ZUP1: variants seen among roughly 807,000 people sequenced by gnomAD.
ZUP1 encodes the protein zinc finger containing ubiquitin peptidase 1.
In ZUP1, 55 loss-of-function variants were observed where a neutral mutation model predicts 68.1. The ratio of observed to expected loss-of-function variants is 0.81; its 90% confidence interval spans 0.65 to 1.01. The LOEUF is 1.01. Ranked by LOEUF, ZUP1 falls within the 50% of genes least tolerant of loss-of-function variation. The probability of loss-of-function intolerance (pLI) is 0.00; values close to 1 mark genes in which losing one functional copy is unlikely to be tolerated. For synonymous variants in ZUP1, 223 were observed against 221.5 expected (o/e 1.01, Z -0.06); for missense variants, 684 against 674.9 (o/e 1.01, Z -0.15).
intron 9 of ZUP1, among the ~76,000 whole-genome samples, chr6:116,640,206 G>A (rs571695073): frequency 7.2e-5 from 11 of 152,216 alleles, no homozygotes; most frequent in South Asian, 2.1e-4. Flanking sequence ...CCAAATCTAC[G>A]TCTGATTGGT....
intron 9 of ZUP1, among the ~76,000 whole-genome samples, chr6:116,645,339 G>T (rs147783130): frequency 5.9e-5 from 9 of 152,196 alleles, no homozygotes; most frequent in African/African-American, 1.4e-4. Context: ...CCAACACTTT[G>T]GGAGGCTGAG....
At chr6:116,652,337 G>A (rs1776533590) in intron 5 of ZUP1, 145 bp from the exon 6 acceptor site, 8 of 649,142 alleles carry the variant, frequency 1.2e-5, no homozygotes, top group African/African-American at 1.8e-5. Context: ...TATAACCTTA[G>A]TTTGTGTCCT....
In ZUP1 at chr6:116,658,698, A is replaced by T; in HGVS notation, c.792+105T>A. The T allele has an allele frequency of 2.7e-6, 3 of 1,121,766 alleles. 1 individual carries two copies. In the South Asian group the frequency reaches 5.2e-5, roughly 19 times the overall value. The allele number at this position is 1,121,766 out of a possible 1,614,324, so 69.5% of individuals were successfully genotyped here. A position where few individuals can be genotyped will look rare whatever the true frequency, so the allele number is the denominator to read the frequency against. ...ATGGTGTCTGTTACAAACATGTATA[A>T]ATTTTTTTTGAATAATAACAAGGAC... On this transcript the variant is annotated intron_variant, in intron 4 of 9. Transcript: ENST00000368576.
At position 116,635,895 on chromosome 6, in the gene ZUP1, T is replaced by A. The variant is rs751942748; in HGVS notation, c.1690-16A>T. The A allele has an allele frequency of 1.9e-6, 3 of 1,563,208 alleles. No homozygotes were observed. Among genetic ancestry groups the A allele is most frequent in the Non-Finnish European group, 2.6e-6 (3 of 1,154,250 alleles). On this transcript the variant is annotated splice_polypyrimidine_tract_variant and intron_variant, in intron 9 of 9. Transcript: ENST00000368576. ...GTCTCCTGGCCTTGAAAAGAAATTT[T>A]AAAAAACAATTTTAAGCTATAAGTC... is the stretch of plus-strand genomic sequence containing the variant.
At chr6:116,664,879 G>GACACACACAC (rs144584776) in intron 2 of ZUP1, among the ~76,000 whole-genome samples, 14 of 147,242 alleles carry the variant, frequency 9.5e-5, no homozygotes, top group African/African-American at 3.2e-4. Context: ...CACAAGTACA[G>GACACACACAC]ACACACACAC....
At position 116,643,150 on chromosome 6, in the gene ZUP1, A is replaced by G. The variant is rs546898987; in HGVS notation, c.1689+2564T>C. Among the ~76,000 whole-genome samples, 166 of 152,296 alleles carry G rather than the reference A, an allele frequency of 1.1e-3. 1 individual carries two copies. The highest frequency in any genetic ancestry group is 3.8e-3 in the African/African-American group (158 of 41,548). On this transcript the variant is annotated intron_variant, in intron 9 of 9. Transcript: ENST00000368576. Reference sequence around the variant, plus strand: ...TACAAGGGACGTGAAGGACCTCTTCAAGGAGAACTACAAACCACCGCTCAA... The same window carrying G: ...TACAAGGGACGTGAAGGACCTCTTCGAGGAGAACTACAAACCACCGCTCAA...
chr6:116,648,968 C>G (rs1776397916), intron 7 of ZUP1, among the ~76,000 whole-genome samples: 1 of 147,056 alleles, frequency 6.8e-6, no homozygotes, highest in South Asian at 2.1e-4. Flanking sequence ...GAGACAGACT[C>G]TGTCTCAAAA....
chr6:116,645,978 C>G, intron 8 of ZUP1, 44 bp from the exon 9 acceptor site: 1 of 1,369,018 alleles, frequency 7.3e-7, no homozygotes. Flanking sequence ...CATCTATTTA[C>G]AGTTATACAA....
chr6:116,647,789 G>A (rs926696267), intron 7 of ZUP1, among the ~76,000 whole-genome samples, 179 bp from the exon 8 acceptor site: 1 of 151,898 alleles, frequency 6.6e-6, no homozygotes, highest in Non-Finnish European at 1.5e-5. Flanking sequence ...CCTTTTTGTG[G>A]GGGATAACTA....
intron 9 of ZUP1, among the ~76,000 whole-genome samples, chr6:116,640,181 G>A (rs1198050169): frequency 1.3e-5 from 2 of 152,046 alleles, no homozygotes; most frequent in African/African-American, 4.8e-5. Context: ...AGAAATATGG[G>A]ACTATGTGAA....
chr6:116,656,947 A>T, intron 4 of ZUP1, 95 bp from the exon 5 acceptor site: 2 of 857,728 alleles, frequency 2.3e-6, no homozygotes, highest in East Asian at 5.9e-5. Flanking sequence ...ACATGTTGAA[A>T]CATTCTGGTT....
intron 9 of ZUP1, 113 bp from the exon 10 acceptor site, chr6:116,635,992 G>T: frequency 3.0e-6 from 2 of 658,522 alleles, no homozygotes; most frequent in Admixed American, 3.8e-5. Context: ...AGATAATAAT[G>T]AAAATTCCTA....
At chr6:116,640,131 T>A (rs1760423977) in intron 9 of ZUP1, among the ~76,000 whole-genome samples, 2 of 149,550 alleles carry the variant, frequency 1.3e-5, no homozygotes, top group African/African-American at 2.5e-5. Flanking sequence ...GAAGGGAAGT[T>A]TAGAGAAAAA....
Position 116,667,011 on chromosome 6 carries a change from T to C in ZUP1, c.182A>G (p.Asn61Ser). The change falls in exon 2 of 10, where the codon AAC (asparagine) becomes AGC (serine). Residue 61 changes from asparagine (N) to serine (S), a missense_variant. Transcript: ENST00000368576. The stretch of plus-strand genomic sequence containing the variant: ...TTGTACTGTATTTATCCTCTCAAAG[T>C]TTCTTTCAAGTGTATTCTGCTCAAA... ...AHFEQNTLER[N>S]FERINTVQYG... is the part of the protein sequence containing the mutation. 1 of 1,613,708 alleles carries C rather than the reference T, an allele frequency of 6.2e-7. No individual in the cohort carries two copies. The highest frequency in any genetic ancestry group is 1.1e-5 in the South Asian group (1 of 91,026).
chr6:116,652,224 T>C, intron 5 of ZUP1, 32 bp from the exon 6 acceptor site: 1 of 1,547,696 alleles, frequency 6.5e-7, no homozygotes, highest in African/African-American at 1.4e-5. Context: ...GAAGCAGTCA[T>C]TATCACCTTT....
At chr6:116,637,336 T>A (rs1775935723) in intron 9 of ZUP1, among the ~76,000 whole-genome samples, 2 of 152,158 alleles carry the variant, frequency 1.3e-5, no homozygotes. Flanking sequence ...ATTAAATTAG[T>A]TAACATATGT....
At chr6:116,648,389 G>T in intron 7 of ZUP1, among the ~76,000 whole-genome samples, 1 of 152,120 alleles carries the variant, frequency 6.6e-6, no homozygotes, top group East Asian at 1.9e-4. Flanking sequence ...TAAAACATCC[G>T]AATTGCTAAC....
At chr6:116,658,488 A>G (rs981137043) in intron 4 of ZUP1, among the ~76,000 whole-genome samples, 3 of 152,226 alleles carry the variant, frequency 2.0e-5, no homozygotes, top group Non-Finnish European at 4.4e-5. Context: ...TGCAAGCTTT[A>G]TCACTAATTA....
chr6:116,664,804 T>C (rs1776949701), intron 2 of ZUP1, among the ~76,000 whole-genome samples: 1 of 152,016 alleles, frequency 6.6e-6, no homozygotes, highest in Non-Finnish European at 1.5e-5. Flanking sequence ...ATCAGAGATA[T>C]ATCTGGTTTC....
Sources: gnomAD v4.1 joint callset for allele counts (sites outside exome capture counted in the v4.1 genomes callset) on GRCh38, gnomAD v4.1.1 for gene constraint, MANE v1.5 for transcripts, NCBI Gene and HGNC (gene_info 2026-07-23, HGNC 2026-07-21) for gene names.